The following PRIM1 variants were observed in gnomAD, a reference collection of about 807,000 sequenced individuals.
PRIM1 encodes DNA primase small subunit.
PRIM1 carries 38 observed loss-of-function variants against 60.2 expected under a neutral mutation model. The ratio of observed to expected loss-of-function variants is 0.63; its 90% CI spans 0.49 to 0.83. PRIM1 has a LOEUF of 0.83. PRIM1 is among the 40% of genes least tolerant of loss of function. PRIM1 has a pLI of 0.00. For missense variants in PRIM1, 388 were observed against 506.2 expected, an observed-to-expected ratio of 0.77 and a Z score of 2.24; for synonymous variants, 158 against 160.2, an observed-to-expected ratio of 0.99 and a Z score of 0.10.
intron 7 of PRIM1, among the ~76,000 whole-genome samples, chr12:56,742,562 G>C (rs1431522910): frequency 6.6e-6 from 1 of 151,910 alleles, no homozygotes; most frequent in Non-Finnish European, 1.5e-5. Flanking sequence ...CACAGTATAA[G>C]ACTCCGTCTT....
At chr12:56,750,975 G>T in intron 2 of PRIM1, 63 bp downstream of exon 2, 2 of 1,136,474 alleles carry the variant, frequency 1.8e-6, no homozygotes, top group Non-Finnish European at 2.3e-6. Context: ...AACGCAAGAG[G>T]AATCAACCCA....
intron 10 of PRIM1, 33 bp downstream of exon 10, chr12:56,739,261 C>T: frequency 1.4e-6 from 2 of 1,420,158 alleles, no homozygotes; most frequent in African/African-American, 1.4e-5. Flanking sequence ...ACAACAATTA[C>T]AAACAAGGAG....
At chr12:56,750,956 TA>T in intron 2 of PRIM1, 81 bp downstream of exon 2, 1 of 983,004 alleles carries the variant, frequency 1.0e-6, no homozygotes, top group Non-Finnish European at 1.4e-6. Context: ...TCTAAAAATT[TA>T]ATCTCAAAAC....
chr12:56,746,628 A>ACACACACACT (rs1953909178), intron 4 of PRIM1, 153 bp downstream of exon 4: 2 of 242,712 alleles, frequency 8.2e-6, no homozygotes, highest in African/African-American at 2.2e-4. Flanking sequence ...GAGACTCGTC[A>ACACACACACT]CACACACACA....
At chr12:56,736,298 TAAAAAAAAAAA>T (rs756452647) in intron 11 of PRIM1, among the ~76,000 whole-genome samples, 7 of 24,320 alleles carry the variant, frequency 2.9e-4, no homozygotes, top group South Asian at 3.7e-3. Context: ...ACTCTTTCTC[TAAAAAAAAAAA>T]AAAAAAAAAA....
In PRIM1 at chr12:56,738,452, C is replaced by T. The variant is rs143246089; in HGVS notation, c.1126G>A (p.Val376Ile). The change falls in exon 11 of 13, where the codon GTC (valine) becomes ATC (isoleucine). Residue 376 changes from valine to isoleucine, a missense_variant. By Grantham distance (29) the Val-to-Ile change is conservative. Coordinates refer to ENST00000338193, the MANE Select transcript of PRIM1 (RefSeq NM_000946.3). ...ACCTTACCTCTGGTTCTATGTTTGA[C>T]ATCAGATTCAGCTTCATTCTCCTCT... ...EKEENEAESD[V>I]KHRTRDYKKT... 7.9e-3 allele frequency: 12,522 copies of T among 1,583,006 alleles called. 64 individuals carry two copies. The highest frequency in any genetic ancestry group is 9.6e-3 in the Non-Finnish European group (11,111 of 1,162,826).
At chr12:56,737,277 T>C (rs1203295270) in intron 11 of PRIM1, among the ~76,000 whole-genome samples, 1 of 151,866 alleles carries the variant, frequency 6.6e-6, no homozygotes. Context: ...TTGCAGTCCG[T>C]GCAAAAATTG....
At chr12:56,748,295 T>C (rs1953922219) in intron 2 of PRIM1, among the ~76,000 whole-genome samples, 2 of 152,174 alleles carry the variant, frequency 1.3e-5, no homozygotes, top group South Asian at 4.1e-4. Flanking sequence ...ACTCTTCCAC[T>C]ACCAACTCAG....
At chr12:56,732,051 CAT>C (rs1953788754) in intron 12 of PRIM1, among the ~76,000 whole-genome samples, 1 of 152,178 alleles carries the variant, frequency 6.6e-6, no homozygotes, top group South Asian at 2.1e-4. Context: ...TAAACTATCA[CAT>C]ATTTAAATAA....
Position 56,744,095 on chromosome 12 carries a change from T to A in PRIM1, c.608A>T (p.His203Leu). Residue 203 changes from histidine to leucine, a missense_variant, in exon 6 of 13, where the codon CAC becomes CTC. Physicochemically the swap from His to Leu is moderately conservative, Grantham distance 99 (BLOSUM62 -3). This residue lies in a region of PRIM1 where 211 missense variants were observed against 277.9 expected (regional missense o/e 0.76). Transcript: ENST00000338193. ...KGGQDVKKKV[H>L]LSEKIHPFIR... ...AAAAGGGTGAATTTTTTCACTTAGG[T>A]GAACTTTCTTTTTAACGTCTTGACC... 1 of 1,571,132 alleles carries A rather than the reference T, an allele frequency of 6.4e-7. No homozygotes were observed. The highest frequency in any genetic ancestry group is 8.6e-7 in the Non-Finnish European group (1 of 1,156,162).
Position 56,751,039 on chromosome 12 carries a change from C to G in PRIM1, c.260G>C (p.Arg87Thr). 16 of 1,468,102 alleles carry G rather than the reference C, an allele frequency of 1.1e-5. No homozygotes were observed. Among genetic ancestry groups the G allele is most frequent in the Non-Finnish European group, 1.4e-5 (16 of 1,103,648 alleles). The allele number at this position is 1,468,102 out of a possible 1,614,324, so 90.9% of individuals were successfully genotyped here. A position where few individuals can be genotyped will look rare whatever the true frequency, so the allele number is the denominator to read the frequency against. Residue 87 changes from arginine (R) to threonine (T), a missense_variant and splice_region_variant, in exon 2 of 13, where the codon AGA (arginine) becomes ACA (threonine). Around this residue, in one of 3 missense-constraint regions of PRIM1, gnomAD observed 156 missense variants for 175.8 expected, o/e 0.89. Coordinates refer to ENST00000338193, the MANE Select transcript of PRIM1 (RefSeq NM_000946.3). ...KIDIGAVYSH[R>T]PNQHNTVKLG... ...ATATATTAAAAAAAGATTTCTTACT[C>G]TGTGAGAATATACTGCGCCTATATC...
At position 56,751,066 on chromosome 12, in the gene PRIM1, A is replaced by G; in HGVS notation, c.233T>C (p.Ile78Thr). The stretch of plus-strand genomic sequence containing the variant: ...GTGAGAATATACTGCGCCTATATCA[A>G]TCTTGTATGGATTCATTTTCTGCAT... ...KEMQKMNPYK[I>T]DIGAVYSHRP... Residue 78 changes from isoleucine to threonine, a missense_variant, in exon 2 of 13, where the codon ATT becomes ACT. Around this residue, in one of 3 missense-constraint regions of PRIM1, gnomAD observed 156 missense variants for 175.8 expected, o/e 0.89. Coordinates refer to ENST00000338193, the MANE Select transcript of PRIM1 (RefSeq NM_000946.3). 1 of 1,595,962 alleles carries G rather than the reference A, an allele frequency of 6.3e-7. No homozygotes were observed. The highest frequency in any genetic ancestry group is 8.5e-7 in the Non-Finnish European group (1 of 1,171,080).
At position 56,739,370 on chromosome 12, in the gene PRIM1, G is replaced by A. The variant is rs1265225601; in HGVS notation, c.983-7C>T. 1.3e-6 allele frequency: 2 copies of A among 1,538,594 alleles called. No homozygotes were observed. The highest frequency in any genetic ancestry group is 2.4e-5 in the South Asian group (2 of 82,298). ...ATAGGCACAGATATGCGACCTGTAAGACACAAAAGTTATAAACTGATGATT... is the reference window on the plus strand; with the variant it reads ...ATAGGCACAGATATGCGACCTGTAAAACACAAAAGTTATAAACTGATGATT... On this transcript the variant is annotated splice_region_variant and splice_polypyrimidine_tract_variant and intron_variant, in intron 9 of 12. Coordinates refer to ENST00000338193, the MANE Select transcript of PRIM1 (RefSeq NM_000946.3).
intron 12 of PRIM1, among the ~76,000 whole-genome samples, chr12:56,731,989 A>G (rs1211148694): frequency 6.6e-6 from 1 of 152,230 alleles, no homozygotes; most frequent in East Asian, 1.9e-4. Flanking sequence ...TCATCCAATA[A>G]TCACACATAT....
In PRIM1 at chr12:56,739,277, A is replaced by G; in HGVS notation, c.1052+17T>C. 6.6e-7 allele frequency: 1 copy of G among 1,508,372 alleles called. No individual in the cohort carries two copies. The highest frequency in any genetic ancestry group is 2.0e-5 in the Admixed American group (1 of 50,420). 93.4% of individuals were successfully genotyped at this position (1,508,372 alleles called of 1,614,324 possible). On this transcript the variant is annotated intron_variant, in intron 10 of 12. Coordinates refer to ENST00000338193, the MANE Select transcript of PRIM1 (RefSeq NM_000946.3). The stretch of plus-strand genomic sequence containing the variant: ...CAACAATTACAAACAAGGAGTGATC[A>G]ATGATCTGAAACATACCTTATGGTC...
At chr12:56,747,701 C>T (rs1455606965) in intron 2 of PRIM1, among the ~76,000 whole-genome samples, 3 of 152,028 alleles carry the variant, frequency 2.0e-5, no homozygotes, top group Non-Finnish European at 2.9e-5. Flanking sequence ...GTCAAGATCA[C>T]GCCACTGCAC....
At chr12:56,749,948 G>T (rs999081523) in intron 2 of PRIM1, among the ~76,000 whole-genome samples, 1 of 152,174 alleles carries the variant, frequency 6.6e-6, no homozygotes, top group Admixed American at 6.6e-5. Flanking sequence ...AGGGTACTTA[G>T]AATATACCAG....
chr12:56,745,624 T>G (rs1196515944), intron 5 of PRIM1, among the ~76,000 whole-genome samples: 1 of 152,166 alleles, frequency 6.6e-6, no homozygotes, highest in Non-Finnish European at 1.5e-5. Context: ...GATCATTTAC[T>G]CTGCAATGTG....
At position 56,747,021 on chromosome 12, in the gene PRIM1, G is replaced by T; in HGVS notation, c.273C>A (p.His91Gln). 3 of 1,610,868 alleles carry T rather than the reference G, an allele frequency of 1.9e-6. No individual in the cohort carries two copies. Among genetic ancestry groups the T allele is most frequent in the Non-Finnish European group, 2.5e-6 (3 of 1,177,606 alleles). Residue 91 changes from histidine (H) to glutamine (Q), a missense_variant, in exon 3 of 13, where the codon CAC (histidine) becomes CAA (glutamine). Physicochemically the swap from His to Gln is conservative, Grantham distance 24. Transcript: ENST00000338193. Reference protein sequence around the residue: ...GAVYSHRPNQHNTVKLGAFQA... With the variant: ...GAVYSHRPNQQNTVKLGAFQA... ...GGAAAGCTCCCAGCTTCACTGTATT[G>T]TGTTGATTGGGCTACAGATACAAAA...
Sources: allele counts gnomAD v4.1 joint callset (sites outside exome capture counted in the v4.1 genomes callset), GRCh38; gene constraint gnomAD v4.1.1; regional missense constraint gnomAD v4.1.1; transcripts MANE v1.5; gene names NCBI Gene and HGNC (gene_info 2026-07-23, HGNC 2026-07-21).